The following RUFY3 variants were observed in gnomAD, a reference collection of about 807,000 sequenced individuals.
RUFY3 encodes RUN and FYVE domain containing 3, also known as protein RUFY3.
Under a neutral mutation model 84.0 loss-of-function variants are expected in RUFY3, and 34 were observed. The observed-to-expected ratio is 0.40, with a 90% CI of 0.31 to 0.54. RUFY3 has a LOEUF of 0.54. Among genes scored for constraint, RUFY3 ranks in the 20% least tolerant of loss-of-function variants. The probability of loss-of-function intolerance (pLI) is 0.39; values close to 1 mark genes in which losing one functional copy is unlikely to be tolerated. For missense variants in RUFY3, 507 were observed against 736.8 expected (o/e 0.69, Z 3.61); for synonymous variants, 242 against 252.9 (o/e 0.96, Z 0.41).
At position 70,787,205 on chromosome 4, in the gene RUFY3, TATATATATA is replaced by T. The variant is rs377229139; in HGVS notation, c.1072-1599_1072-1591del. Among the ~76,000 whole-genome samples, 88 of 134,928 alleles carry T rather than the reference TATATATATA, an allele frequency of 6.5e-4. No homozygotes were observed. In the East Asian group the frequency reaches 7.3e-3, roughly 11 times the overall value. 88.5% of individuals were successfully genotyped at this position (134,928 alleles called of 152,430 possible). A position where few individuals can be genotyped will look rare whatever the true frequency, so the allele number is the denominator to read the frequency against. On this transcript the variant is annotated intron_variant, in intron 10 of 17. Coordinates refer to ENST00000381006, the MANE Select transcript of RUFY3 (RefSeq NM_001037442.4). Reference sequence around the variant, plus strand: ...AAAAAAAAATATATATATATATATATATATATATAAAAACAAATTGACAGTATATAACAT... The same window carrying T: ...AAAAAAAAATATATATATATATATATAAAACAAATTGACAGTATATAACAT...
intron 1 of RUFY3, among the ~76,000 whole-genome samples, chr4:70,707,976 G>A (rs2148552214): frequency 6.6e-6 from 1 of 152,252 alleles, no homozygotes; most frequent in Non-Finnish European, 1.5e-5. Context: ...TTAGAGACCA[G>A]GCCAGGTGCT....
intron 1 of RUFY3, among the ~76,000 whole-genome samples, chr4:70,747,966 C>T (rs922454468): frequency 8.5e-5 from 13 of 152,162 alleles, no homozygotes; most frequent in African/African-American, 2.9e-4. Context: ...CCCTTTATAG[C>T]ACACTCTTCC....
chr4:70,721,613 C>G (rs1742308808), upstream of RUFY3, among the ~76,000 whole-genome samples: 1 of 151,982 alleles, frequency 6.6e-6, no homozygotes, highest in African/African-American at 2.4e-5. Flanking sequence ...TAACATTTAG[C>G]ATAGTAAAGA....
At chr4:70,735,391 G>C (rs996315931) in intron 1 of RUFY3, among the ~76,000 whole-genome samples, 1 of 152,208 alleles carries the variant, frequency 6.6e-6, no homozygotes, top group Non-Finnish European at 1.5e-5. Flanking sequence ...AGCTTTTCCA[G>C]AGAACAAATA....
intron 9 of RUFY3, among the ~76,000 whole-genome samples, chr4:70,784,503 C>T (rs562731761): frequency 6.6e-6 from 1 of 151,886 alleles, no homozygotes; most frequent in African/African-American, 2.4e-5. Context: ...AAAAAAAAAC[C>T]TATAACCCAA....
At chr4:70,766,558 T>A (rs186505640) in intron 4 of RUFY3, among the ~76,000 whole-genome samples, 53 of 152,288 alleles carry the variant, frequency 3.5e-4, no homozygotes, top group South Asian at 6.2e-4. Flanking sequence ...TCCATTTTTT[T>A]AAAAAATCTA....
chr4:70,806,389 C>A, intron 17 of RUFY3, 127 bp from the exon 18 acceptor site: 1 of 1,075,458 alleles, frequency 9.3e-7, no homozygotes, highest in Non-Finnish European at 1.4e-6. Context: ...TACTACCTGG[C>A]ACATAGTAAA....
At chr4:70,794,342 AGGCC>A (rs1201252324) in intron 13 of RUFY3, among the ~76,000 whole-genome samples, 16 of 152,150 alleles carry the variant, frequency 1.1e-4, no homozygotes, top group African/African-American at 3.6e-4. Flanking sequence ...GCACTTTGGG[AGGCC>A]AAGGCAGGTG....
At chr4:70,711,923 A>G (rs1346684899) in intron 1 of RUFY3, among the ~76,000 whole-genome samples, 1 of 152,044 alleles carries the variant, frequency 6.6e-6, no homozygotes, top group Non-Finnish European at 1.5e-5. Context: ...TTCTGCCACC[A>G]CCTTTTTGTT....
intron 10 of RUFY3, among the ~76,000 whole-genome samples, chr4:70,788,366 GATGGTC>G (rs1385152316): frequency 6.6e-6 from 1 of 151,914 alleles, no homozygotes; most frequent in East Asian, 1.9e-4. Context: ...CAGGGACCCA[GATGGTC>G]CTCTGGGTTC....
chr4:70,736,002 T>C (rs566391624), intron 1 of RUFY3, among the ~76,000 whole-genome samples: 251 of 151,188 alleles, frequency 1.7e-3, no homozygotes, highest in Middle Eastern at 0.01. Flanking sequence ...AAAAATTAGC[T>C]GGGTGTGGTG....
At chr4:70,728,897 A>G (rs539863691) in intron 1 of RUFY3, among the ~76,000 whole-genome samples, 4 of 148,770 alleles carry the variant, frequency 2.7e-5, no homozygotes, top group African/African-American at 9.9e-5. Context: ...TTTTTTTTTT[A>G]AATGAGGCCT....
chr4:70,720,450 C>A (rs1205275649), upstream of RUFY3, among the ~76,000 whole-genome samples: 2 of 152,202 alleles, frequency 1.3e-5, no homozygotes, highest in African/African-American at 4.8e-5. Flanking sequence ...TCCCAAAGTG[C>A]TGGTATTATA....
chr4:70,796,330 G>A (rs779747833), intron 14 of RUFY3, among the ~76,000 whole-genome samples: 6 of 152,152 alleles, frequency 3.9e-5, no homozygotes, highest in Non-Finnish European at 7.3e-5. Flanking sequence ...CTTTTGACCC[G>A]TCTGCTTTTG....
chr4:70,741,846 G>A (rs1560478319), intron 1 of RUFY3, among the ~76,000 whole-genome samples: 1 of 152,322 alleles, frequency 6.6e-6, no homozygotes, highest in South Asian at 2.1e-4. Context: ...TAGTGTCAAT[G>A]TATGTTTATG....
chr4:70,729,715 T>C (rs1357528689), intron 1 of RUFY3, among the ~76,000 whole-genome samples: 2 of 152,224 alleles, frequency 1.3e-5, no homozygotes, highest in African/African-American at 4.8e-5. Flanking sequence ...TTAAGCCGGA[T>C]TCTTCAATAC....
At chr4:70,726,739 A>T (rs1718314680) in intron 1 of RUFY3, among the ~76,000 whole-genome samples, 2 of 152,176 alleles carry the variant, frequency 1.3e-5, no homozygotes, top group South Asian at 2.1e-4. Context: ...ACTTTTCCAG[A>T]TTACATATCC....
intron 5 of RUFY3, among the ~76,000 whole-genome samples, chr4:70,770,046 T>A (rs1293725513): frequency 6.6e-6 from 1 of 152,200 alleles, no homozygotes; most frequent in African/African-American, 2.4e-5. Context: ...GATCTCAAAC[T>A]CATGGCCTCA....
chr4:70,713,507 C>G (rs568939707), intron 1 of RUFY3, among the ~76,000 whole-genome samples: 32 of 152,130 alleles, frequency 2.1e-4, no homozygotes, highest in African/African-American at 7.0e-4. Flanking sequence ...CTGACATGCT[C>G]CCTACCGACC....
Sources: gnomAD v4.1 joint callset for allele counts (sites outside exome capture counted in the v4.1 genomes callset) on GRCh38, gnomAD v4.1.1 for gene constraint, MANE v1.5 for transcripts, NCBI Gene and HGNC (gene_info 2026-07-23, HGNC 2026-07-21) for gene names.